SMG6: variants seen among roughly 807,000 people sequenced by gnomAD.
The protein encoded by SMG6 is SMG6 nonsense mediated mRNA decay factor.
A neutral mutation model predicts 142.2 loss-of-function variants in SMG6; 66 were observed. The ratio of observed to expected loss-of-function variants is 0.46; its 90% CI spans 0.38 to 0.57. The LOEUF (loss-of-function observed/expected upper bound fraction) is 0.57. SMG6 is among the 20% of genes least tolerant of loss of function. The pLI is 0.00. For synonymous variants in SMG6, 779 were observed against 702.4 expected (o/e 1.11, Z -1.72); for missense variants, 1,793 against 1,832.0 (o/e 0.98, Z 0.39).
intron 1 of SMG6, chr17:2,303,102 C>T: frequency 1.0e-6 from 1 of 985,462 alleles, no homozygotes; most frequent in Non-Finnish European, 1.2e-6. Flanking sequence ...CAGGGCCAAA[C>T]CCGAGTAGTC....
chr17:2,251,873 G>A (rs950028569), intron 8 of SMG6, among the ~76,000 whole-genome samples: 5 of 151,932 alleles, frequency 3.3e-5, no homozygotes, highest in South Asian at 4.1e-4. Context: ...AGGCCGAGGC[G>A]GGCGGATCAC....
Position 2,061,499 on chromosome 17 carries a change from AC to A in SMG6, c.4252del (p.Val1418TrpfsTer79). The A allele has an allele frequency of 6.4e-7, 1 of 1,565,528 alleles. No individual in the cohort carries two copies. Among genetic ancestry groups the A allele is most frequent in the East Asian group, 2.4e-5 (1 of 42,280 alleles). ...GGCCCCAGTGTGGCTCCCTCAGCCCACCTGGGCCCACGTGAGGAAGGCTGGG... is the reference window on the plus strand; with the variant it reads ...GGCCCCAGTGTGGCTCCCTCAGCCCACTGGGCCCACGTGAGGAAGGCTGGG... ...DIPAFLTWAQ[V>X]G is the part of the protein sequence containing the mutation. On this transcript the variant is annotated frameshift_variant, in exon 19 of 19. Transcript: ENST00000263073. LOFTEE classifies it high-confidence loss of function.
At chr17:2,269,322 C>A (rs766742766) in intron 8 of SMG6, among the ~76,000 whole-genome samples, 1 of 151,086 alleles carries the variant, frequency 6.6e-6, no homozygotes, top group African/African-American at 2.4e-5. Context: ...ACCTGGGAGG[C>A]GAAGGTTGCA....
chr17:2,139,887 G>A lies in SMG6; in HGVS notation c.3357+32771C>T, dbSNP rs1250900647. Among the ~76,000 whole-genome samples, 5 of 151,034 alleles carry A rather than the reference G, an allele frequency of 3.3e-5. No individual in the cohort carries two copies. The East Asian group carries it at 5.9e-4, about 18-fold the overall frequency. On this transcript the variant is annotated intron_variant, in intron 13 of 18. Coordinates refer to ENST00000263073, the MANE Select transcript of SMG6 (RefSeq NM_017575.5). ...ATTACAGGCGCATGCCACCATACCC[G>A]GCTAATTTTTGTATTTTTAGTAGAG... is the stretch of plus-strand genomic sequence containing the variant.
At chr17:2,079,754 A>G (rs79329714) in intron 15 of SMG6, among the ~76,000 whole-genome samples, 8 of 152,284 alleles carry the variant, frequency 5.3e-5, no homozygotes, top group African/African-American at 1.9e-4. Context: ...ACTGATTCCA[A>G]TGGTAGCAGG....
chr17:2,144,775 AC>A (rs1255933054), intron 13 of SMG6, among the ~76,000 whole-genome samples: 1 of 151,928 alleles, frequency 6.6e-6, no homozygotes, highest in Non-Finnish European at 1.5e-5. Context: ...CAGACTCAAA[AC>A]TCAGGTGAGG....
chr17:2,152,325 T>C (rs2070851484), intron 13 of SMG6, among the ~76,000 whole-genome samples: 1 of 152,234 alleles, frequency 6.6e-6, no homozygotes, highest in African/African-American at 2.4e-5. Flanking sequence ...AAGGTCTCAA[T>C]TTCCTTATGG....
At chr17:2,127,619 A>T in intron 13 of SMG6, 1 of 578,498 alleles carries the variant, frequency 1.7e-6, no homozygotes, top group Non-Finnish European at 3.4e-6. Context: ...TCTGTTCTCA[A>T]TTCCAGCAGC....
At chr17:2,126,188 T>C (rs1286258972) in intron 13 of SMG6, among the ~76,000 whole-genome samples, 1 of 152,042 alleles carries the variant, frequency 6.6e-6, no homozygotes, top group Non-Finnish European at 1.5e-5. Context: ...CCAATTCCAA[T>C]CTTATGGAAG....
intron 10 of SMG6, among the ~76,000 whole-genome samples, chr17:2,202,631 TA>T (rs910193137): frequency 1.1e-4 from 17 of 152,176 alleles, no homozygotes; most frequent in Admixed American, 3.3e-4. Flanking sequence ...TAAGAGTTCA[TA>T]ACTGGAGGCT....
intron 10 of SMG6, among the ~76,000 whole-genome samples, chr17:2,191,050 TG>T (rs1213083024): frequency 6.6e-6 from 1 of 152,194 alleles, no homozygotes; most frequent in Non-Finnish European, 1.5e-5. Context: ...GCATGTAGAA[TG>T]TTCCAGACTC....
intron 10 of SMG6, among the ~76,000 whole-genome samples, chr17:2,221,985 C>A (rs908879843): frequency 6.6e-6 from 1 of 152,326 alleles, no homozygotes; most frequent in African/African-American, 2.4e-5. Context: ...TCCACCTGCA[C>A]TGGCCTCCCA....
intron 8 of SMG6, among the ~76,000 whole-genome samples, chr17:2,270,556 G>A (rs965555891): frequency 3.9e-5 from 6 of 152,060 alleles, no homozygotes; most frequent in East Asian, 1.9e-4. Flanking sequence ...TTCAGTGAGC[G>A]ATGATCATGC....
intron 13 of SMG6, among the ~76,000 whole-genome samples, chr17:2,167,623 T>C (rs906076317): frequency 6.6e-6 from 1 of 152,204 alleles, no homozygotes; most frequent in East Asian, 1.9e-4. Context: ...TCTTTATATA[T>C]GGCACAAACT....
chr17:2,066,696 A>ACACACACACAC (rs1555529730), intron 16 of SMG6, among the ~76,000 whole-genome samples: 5 of 43,820 alleles, frequency 1.1e-4, no homozygotes, highest in South Asian at 7.6e-4. Flanking sequence ...CACACACACA[A>ACACACACACAC]TGCCCATGCT....
chr17:2,292,380 G>A (rs2075057169), intron 6 of SMG6, among the ~76,000 whole-genome samples, 172 bp downstream of exon 6: 1 of 152,178 alleles, frequency 6.6e-6, no homozygotes, highest in Admixed American at 6.5e-5. Flanking sequence ...GTGAAGTGAG[G>A]AATCCCTGAC....
At chr17:2,215,492 G>T (rs1160898262) in intron 10 of SMG6, 1 of 152,092 alleles carries the variant, frequency 6.6e-6, no homozygotes, top group Admixed American at 6.6e-5. Flanking sequence ...TCATGGAGAG[G>T]TTTATTTTAT....
Position 2,282,754 on chromosome 17 carries a change from G to A in SMG6, c.2554C>T (p.Arg852Cys), listed in dbSNP as rs778448663. 4 of 1,614,068 alleles carry A rather than the reference G, an allele frequency of 2.5e-6. No homozygotes were observed. Among genetic ancestry groups the A allele is most frequent in the African/African-American group, 1.3e-5 (1 of 74,912 alleles). The change falls in exon 8 of 19, where the codon CGC becomes TGC. Residue 852 changes from arginine (R) to cysteine (C), a missense_variant. Physicochemically the swap from Arg to Cys is radical, Grantham distance 180. Coordinates refer to ENST00000263073, the MANE Select transcript of SMG6 (RefSeq NM_017575.5). ...TFRHVGDDTT[R>C]LEIWIHPSHP... ...GATGGATGAATCCAGATCTCCAGGC[G>A]AGTGGTGTCATCTCCAACATGCCGG...
intron 8 of SMG6, among the ~76,000 whole-genome samples, chr17:2,272,054 G>C (rs1020264119): frequency 6.6e-6 from 1 of 152,174 alleles, no homozygotes; most frequent in Admixed American, 6.5e-5. Flanking sequence ...AGAATCCTAA[G>C]GTATCTTATG....
Sources: allele counts gnomAD v4.1 joint callset (sites outside exome capture counted in the v4.1 genomes callset), GRCh38; gene constraint gnomAD v4.1.1; transcripts MANE v1.5; gene names NCBI Gene and HGNC (gene_info 2026-07-23, HGNC 2026-07-21).